Variants in SEC22A observed in about 807,000 individuals in gnomAD.
SEC22A encodes SEC22 homolog A, vesicle trafficking protein.
A neutral mutation model predicts 35.3 loss-of-function variants in SEC22A; 22 were observed. The ratio of observed to expected loss-of-function variants is 0.62; its 90% CI spans 0.45 to 0.89. The LOEUF (loss-of-function observed/expected upper bound fraction) is 0.89. Ranked by LOEUF, SEC22A falls within the 40% of genes least tolerant of loss-of-function variation. The pLI is 0.00. For missense variants in SEC22A, 354 were observed against 362.5 expected (o/e 0.98, Z 0.19); for synonymous variants, 119 against 129.5 (o/e 0.92, Z 0.55).
chr3:123,225,161 GAT>G lies in SEC22A; in HGVS notation c.407_408del (p.Ile136LysfsTer4). The G allele has an allele frequency of 6.2e-7, 1 of 1,613,790 alleles. No homozygotes were observed. Among genetic ancestry groups the G allele is most frequent in the Non-Finnish European group, 8.5e-7 (1 of 1,179,718 alleles). Reference protein sequence around the residue: ...YNNPRSLSTKINLSDMQTEIK... With the variant: ...YNNPRSLSTKXNLSDMQTEIK... The stretch of plus-strand genomic sequence containing the variant: ...ATAATCCCAGGTCTCTTTCAACAAA[GAT>G]AAATCTTTCTGACATGCAGACGGAA... On this transcript the variant is annotated frameshift_variant, in exon 4 of 7. Coordinates refer to ENST00000492595, the MANE Select transcript of SEC22A (RefSeq NM_012430.5). LOFTEE classifies it high-confidence loss of function.
chr3:123,263,736 C>T (rs1047010339), intron 6 of SEC22A, among the ~76,000 whole-genome samples: 1 of 151,966 alleles, frequency 6.6e-6, no homozygotes, highest in Non-Finnish European at 1.5e-5. Flanking sequence ...CAACTTCTGA[C>T]CTCGTGATCC....
At position 123,273,659 on chromosome 3, in the gene SEC22A, T is replaced by G. The variant is rs1305256886; in HGVS notation, c.*1937T>G. On this transcript the variant is annotated 3_prime_UTR_variant, in exon 7 of 7. Transcript: ENST00000492595. Reference sequence around the variant, plus strand: ...CTCATCTCTACTAAAAATACAAAATTTAGCTGGGTGTGGTTGCGCGTGCCT... The same window carrying G: ...CTCATCTCTACTAAAAATACAAAATGTAGCTGGGTGTGGTTGCGCGTGCCT... 6.6e-6 allele frequency: 1 copy of G among 152,098 alleles called. No individual in the cohort carries two copies. Among genetic ancestry groups the G allele is most frequent in the African/African-American group, 2.4e-5 (1 of 41,396 alleles). The allele number at this position is 152,098 out of a possible 1,614,324, so 9.4% of individuals were successfully genotyped here.
intron 2 of SEC22A, among the ~76,000 whole-genome samples, chr3:123,218,428 C>T (rs924650159): frequency 1.3e-5 from 2 of 151,870 alleles, no homozygotes; most frequent in Admixed American, 6.6e-5. Context: ...AAAATTGTGC[C>T]CAAGATAGAG....
intron 4 of SEC22A, among the ~76,000 whole-genome samples, chr3:123,228,556 C>T (rs577673525): frequency 2.8e-5 from 4 of 140,720 alleles, no homozygotes; most frequent in South Asian, 2.3e-4. Flanking sequence ...GCCTGGGCAA[C>T]GAGAGCGAAA....
At chr3:123,222,579 T>G (rs1273103163) in intron 2 of SEC22A, among the ~76,000 whole-genome samples, 1 of 152,192 alleles carries the variant, frequency 6.6e-6, no homozygotes, top group Admixed American at 6.5e-5. Context: ...ATACACTTTT[T>G]CCTTTTCAAA....
chr3:123,254,781 C>T (rs896905012), intron 5 of SEC22A, among the ~76,000 whole-genome samples: 5 of 151,956 alleles, frequency 3.3e-5, no homozygotes, highest in Non-Finnish European at 7.4e-5. Context: ...ATGTGCACAA[C>T]GTGCAGGTTT....
At chr3:123,228,994 T>A (rs1937265663) in intron 4 of SEC22A, among the ~76,000 whole-genome samples, 1 of 151,544 alleles carries the variant, frequency 6.6e-6, no homozygotes, top group Non-Finnish European at 1.5e-5. Context: ...GAATGGAACC[T>A]CAAAAAAATG....
intron 4 of SEC22A, among the ~76,000 whole-genome samples, chr3:123,231,548 A>G (rs1189396698): frequency 6.6e-6 from 1 of 152,226 alleles, no homozygotes; most frequent in Non-Finnish European, 1.5e-5. Context: ...AAATATGTGG[A>G]AGTTAGACAG....
chr3:123,269,179 A>ATGTGTGTGTGTGTGTGTG (rs200267944), intron 6 of SEC22A, among the ~76,000 whole-genome samples: 5 of 120,736 alleles, frequency 4.1e-5, no homozygotes, highest in Admixed American at 1.5e-4. Context: ...AATTAAATAT[A>ATGTGTGTGTGTGTGTGTG]TGTGTGTGTG....
Position 123,223,541 on chromosome 3 carries a change from A to G in SEC22A, c.183-18A>G, listed in dbSNP as rs767118430. 46 of 1,605,382 alleles carry G rather than the reference A, an allele frequency of 2.9e-5. No homozygotes were observed. Among genetic ancestry groups the G allele is most frequent in the Middle Eastern group, 1.7e-4 (1 of 6,056 alleles). Reference sequence around the variant, plus strand: ...GATTTAATTTGAAATTTTAAAACCAATGTTTTTTACACTGTAGTTTTATTA... The same window carrying G: ...GATTTAATTTGAAATTTTAAAACCAGTGTTTTTTACACTGTAGTTTTATTA... On this transcript the variant is annotated intron_variant, in intron 2 of 6. Coordinates refer to ENST00000492595, the MANE Select transcript of SEC22A (RefSeq NM_012430.5).
chr3:123,241,783 T>C (rs1239991244), intron 4 of SEC22A, among the ~76,000 whole-genome samples: 1 of 152,154 alleles, frequency 6.6e-6, no homozygotes, highest in Admixed American at 6.6e-5. Context: ...GTGGTTCATA[T>C]ACACAATGGA....
chr3:123,269,215 G>GTGTGTGTGTGTGTGTGTGTA (rs10642998), intron 6 of SEC22A, among the ~76,000 whole-genome samples: 16 of 136,884 alleles, frequency 1.2e-4, no homozygotes, highest in African/African-American at 4.1e-4. Context: ...GTGTGTGTGT[G>GTGTGTGTGTGTGTGTGTGTA]TATATATTAC....
intron 4 of SEC22A, among the ~76,000 whole-genome samples, chr3:123,233,868 C>A (rs1204784273): frequency 6.6e-6 from 1 of 151,972 alleles, no homozygotes; most frequent in Non-Finnish European, 1.5e-5. Context: ...TGGACAAGGA[C>A]AATAAATAAA....
chr3:123,264,282 G>T (rs1391966543), intron 6 of SEC22A, among the ~76,000 whole-genome samples: 3 of 152,232 alleles, frequency 2.0e-5, no homozygotes, highest in Non-Finnish European at 2.9e-5. Flanking sequence ...AAACAATTAT[G>T]TGCAGGTTTT....
chr3:123,204,575 G>C (rs977378362), intron 1 of SEC22A: 1 of 152,206 alleles, frequency 6.6e-6, no homozygotes, highest in African/African-American at 2.4e-5. Flanking sequence ...AAGAAGAGGG[G>C]TGTCTTATTA....
intron 2 of SEC22A, among the ~76,000 whole-genome samples, chr3:123,217,011 T>G (rs1937038078): frequency 1.3e-5 from 2 of 151,960 alleles, no homozygotes; most frequent in African/African-American, 4.8e-5. Flanking sequence ...CAATTTTTTG[T>G]AGAGATGGCA....
At chr3:123,214,951 C>G (rs1300373309) in intron 2 of SEC22A, among the ~76,000 whole-genome samples, 1 of 152,218 alleles carries the variant, frequency 6.6e-6, no homozygotes, top group Non-Finnish European at 1.5e-5. Context: ...ACTGCTACCT[C>G]CAGCCAGGAA....
rs914161766 is a variant in SEC22A at position 123,260,158 on chromosome 3, A to C, written c.723+569A>C. Among the ~76,000 whole-genome samples the C allele has an allele frequency of 7.6e-5, 10 of 132,280 alleles. No homozygotes were observed. The South Asian group carries it at 1.2e-3, about 16-fold the overall frequency. The allele number at this position is 132,280 out of a possible 152,430, so 86.8% of individuals were successfully genotyped here. ...AAAAAAAAAAAAAAAAAAAAAAAAA[A>C]AAAAAAAAAAACTACTAGATTTTCT... On this transcript the variant is annotated intron_variant, in intron 6 of 6. Transcript: ENST00000492595.
intron 2 of SEC22A, among the ~76,000 whole-genome samples, chr3:123,215,582 A>ATGC (rs548962033): frequency 7.6e-4 from 115 of 152,276 alleles, no homozygotes; most frequent in Non-Finnish European, 1.2e-3. Context: ...GGGCAGGTAG[A>ATGC]TGCTGGGTAG....
Sources: gnomAD v4.1 joint callset for allele counts (sites outside exome capture counted in the v4.1 genomes callset) on GRCh38, gnomAD v4.1.1 for gene constraint, MANE v1.5 for transcripts, NCBI Gene and HGNC (gene_info 2026-07-23, HGNC 2026-07-21) for gene names.